Variants in CNTN5 observed in about 807,000 individuals in gnomAD.
CNTN5 encodes contactin-5.
Under a neutral mutation model 129.1 loss-of-function variants are expected in CNTN5, and 77 were observed. The observed-to-expected ratio is 0.60, with a 90% CI of 0.50 to 0.72. The LOEUF is 0.72. Ranked by LOEUF, CNTN5 falls within the 30% of genes least tolerant of loss-of-function variation. The pLI is 0.00. For synonymous variants in CNTN5, 509 were observed against 465.6 expected (o/e 1.09, Z -1.20); for missense variants, 1,478 against 1,328.8 (o/e 1.11, Z -1.75).
intron 6 of CNTN5, among the ~76,000 whole-genome samples, chr11:99,890,395 A>AT (rs1949026255): frequency 6.6e-6 from 1 of 152,060 alleles, no homozygotes; most frequent in African/African-American, 2.4e-5. Context: ...TTATATATAT[A>AT]TATCAGTATC....
chr11:99,414,466 G>A (rs1942550713), intron 2 of CNTN5, among the ~76,000 whole-genome samples: 1 of 151,316 alleles, frequency 6.6e-6, no homozygotes, highest in Non-Finnish European at 1.5e-5. Flanking sequence ...TATGTATGCA[G>A]AATATATATA....
At chr11:99,262,979 A>G (rs898477292) in intron 1 of CNTN5, among the ~76,000 whole-genome samples, 2 of 152,026 alleles carry the variant, frequency 1.3e-5, no homozygotes, top group Non-Finnish European at 2.9e-5. Flanking sequence ...TTCTTTCCCT[A>G]TGTCAAAATG....
At chr11:99,806,154 T>G (rs1032083783) in intron 3 of CNTN5, among the ~76,000 whole-genome samples, 2 of 152,152 alleles carry the variant, frequency 1.3e-5, no homozygotes, top group Non-Finnish European at 2.9e-5. Context: ...CCTTATTAAT[T>G]TGGACTAAAT....
intron 9 of CNTN5, among the ~76,000 whole-genome samples, chr11:100,050,020 C>T (rs1228463052): frequency 6.6e-6 from 1 of 152,044 alleles, no homozygotes; most frequent in Admixed American, 6.6e-5. Flanking sequence ...CTTTTACACT[C>T]TTAGTGGGAC....
intron 1 of CNTN5, among the ~76,000 whole-genome samples, chr11:99,202,846 T>G (rs1018793428): frequency 6.6e-5 from 10 of 151,734 alleles, no homozygotes; most frequent in Non-Finnish European, 1.3e-4. Context: ...TATTAAAATA[T>G]TTGCCTTTTC....
intron 1 of CNTN5, among the ~76,000 whole-genome samples, chr11:99,245,464 A>G (rs577533285): frequency 3.3e-5 from 5 of 152,180 alleles, no homozygotes; most frequent in African/African-American, 9.6e-5. Context: ...GATTACAAGC[A>G]CTGCCTCCAT....
At chr11:99,505,433 C>T (rs932315937) in intron 2 of CNTN5, among the ~76,000 whole-genome samples, 5 of 152,120 alleles carry the variant, frequency 3.3e-5, no homozygotes, top group African/African-American at 4.8e-5. Context: ...GGATAATTTA[C>T]AGAAACAAGT....
At chr11:99,146,233 A>T (rs1859777410) in intron 1 of CNTN5, among the ~76,000 whole-genome samples, 1 of 152,154 alleles carries the variant, frequency 6.6e-6, no homozygotes. Flanking sequence ...ATCACAAGGA[A>T]TTCTGGGAAA....
At chr11:99,761,751 A>G (rs2135281563) in intron 3 of CNTN5, among the ~76,000 whole-genome samples, 1 of 145,684 alleles carries the variant, frequency 6.9e-6, no homozygotes, top group Non-Finnish European at 1.5e-5. Context: ...TTATAGCAGC[A>G]TGATTTATAG....
chr11:99,972,904 T>G (rs1937670831), intron 8 of CNTN5, among the ~76,000 whole-genome samples: 1 of 152,010 alleles, frequency 6.6e-6, no homozygotes. Flanking sequence ...TTCAGTATAT[T>G]TTAATTGTGT....
intron 13 of CNTN5, among the ~76,000 whole-genome samples, chr11:100,161,398 T>C (rs115180960): frequency 0.01 from 1,558 of 152,050 alleles, 35 homozygotes; most frequent in African/African-American, 0.035. Flanking sequence ...CAGATTGACA[T>C]TGCATTCTAT....
At chr11:99,515,169 G>T (rs1946999139) in intron 2 of CNTN5, among the ~76,000 whole-genome samples, 1 of 152,040 alleles carries the variant, frequency 6.6e-6, no homozygotes, top group Non-Finnish European at 1.5e-5. Context: ...ATTTGTTGAA[G>T]AAATTATGTA....
chr11:99,811,795 C>G (rs1221746203), intron 3 of CNTN5, among the ~76,000 whole-genome samples: 1 of 151,948 alleles, frequency 6.6e-6, no homozygotes, highest in African/African-American at 2.4e-5. Context: ...AATCTCTGGG[C>G]CACTTTAGAA....
rs373091390 is a variant in CNTN5 at position 99,132,247 on chromosome 11, G to T, written c.-210+110977G>T. Among the ~76,000 whole-genome samples, 1,052 of 151,462 alleles carry T rather than the reference G, an allele frequency of 6.9e-3. 6 individuals are homozygous for T. Among genetic ancestry groups the T allele is most frequent in the Middle Eastern group, 0.01 (3 of 290 alleles). On this transcript the variant is annotated intron_variant, in intron 1 of 24. Coordinates refer to ENST00000524871, the MANE Select transcript of CNTN5 (RefSeq NM_014361.4). ...ACTCTCAATAAACTAGGTATTGAAA[G>T]AACATACCTCAAAACAAGAGCCATT...
chr11:99,224,999 G>A (rs1440309687), intron 1 of CNTN5, among the ~76,000 whole-genome samples: 2 of 152,076 alleles, frequency 1.3e-5, no homozygotes, highest in Non-Finnish European at 1.5e-5. Flanking sequence ...AAAGAGAGAC[G>A]TCTTGAAGTT....
At chr11:99,835,399 A>T (rs898879159) in intron 4 of CNTN5, among the ~76,000 whole-genome samples, 4 of 152,122 alleles carry the variant, frequency 2.6e-5, no homozygotes, top group African/African-American at 9.7e-5. Flanking sequence ...TCTCCACTGG[A>T]GTCAGGGCAG....
chr11:99,960,654 C>T (rs1950918575), intron 8 of CNTN5, among the ~76,000 whole-genome samples: 1 of 152,024 alleles, frequency 6.6e-6, no homozygotes. Flanking sequence ...TGTAGTGTTT[C>T]TTAAAGTTCT....
chr11:99,909,538 A>G (rs1278875432), intron 6 of CNTN5, among the ~76,000 whole-genome samples: 2 of 152,180 alleles, frequency 1.3e-5, no homozygotes, highest in African/African-American at 2.4e-5. Flanking sequence ...CACTATTCAC[A>G]ATAGCAAAGA....
At chr11:99,042,108 A>G (rs542579904) in intron 1 of CNTN5, among the ~76,000 whole-genome samples, 14 of 152,280 alleles carry the variant, frequency 9.2e-5, no homozygotes, top group African/African-American at 3.4e-4. Flanking sequence ...ATAGCATAGC[A>G]TGTATCATTA....
Sources: gnomAD v4.1 joint callset for allele counts (sites outside exome capture counted in the v4.1 genomes callset) on GRCh38, gnomAD v4.1.1 for gene constraint, MANE v1.5 for transcripts, NCBI Gene and HGNC (gene_info 2026-07-23, HGNC 2026-07-21) for gene names.